ZNF618: variants seen among roughly 807,000 people sequenced by gnomAD.
ZNF618 encodes the protein neural precursor cell expressed, developmentally down-regulated 10.
Under a neutral mutation model 103.0 loss-of-function variants are expected in ZNF618, and 34 were observed. The observed-to-expected ratio is 0.33, with a 90% confidence interval of 0.25 to 0.44. ZNF618 has a LOEUF of 0.44. Ranked by LOEUF, ZNF618 falls within the 20% of genes least tolerant of loss-of-function variation. The pLI, the probability that ZNF618 is intolerant of heterozygous loss-of-function variation, is 1.00. For synonymous variants in ZNF618, 551 were observed against 542.2 expected (o/e 1.02, Z -0.23); for missense variants, 1,059 against 1,295.4 (o/e 0.82, Z 2.80).
intron 1 of ZNF618, 133 bp from the exon 2 acceptor site, chr9:113,968,984 G>C: frequency 2.0e-6 from 2 of 997,948 alleles, no homozygotes; most frequent in Non-Finnish European, 3.2e-6. Context: ...CTGGAGGAGC[G>C]GGACAGGGGC....
chr9:114,051,787 T>C lies in ZNF618; in HGVS notation c.*1620T>C, dbSNP rs1846153780. The C allele has an allele frequency of 6.6e-6, 1 of 152,236 alleles. No homozygotes were observed. Among genetic ancestry groups the C allele is most frequent in the Non-Finnish European group, 1.5e-5 (1 of 68,114 alleles). 9.4% of individuals were successfully genotyped at this position (152,236 alleles called of 1,614,324 possible). On this transcript the variant is annotated 3_prime_UTR_variant, in exon 15 of 15. Coordinates refer to ENST00000374126, the MANE Select transcript of ZNF618 (RefSeq NM_001318042.2). ...CCTGTTCCCCCAGCTGTGAGCAAAT[T>C]AGGTTCTACACACACAGTTCGGATG...
intron 13 of ZNF618, among the ~76,000 whole-genome samples, chr9:114,036,852 C>A (rs144301447): frequency 6.6e-6 from 1 of 152,224 alleles, no homozygotes; most frequent in Non-Finnish European, 1.5e-5. Context: ...AATGCAGTTG[C>A]GCCCAAACCT....
At chr9:114,025,510 AG>A in intron 10 of ZNF618, among the ~76,000 whole-genome samples, 1 of 152,238 alleles carries the variant, frequency 6.6e-6, no homozygotes, top group Non-Finnish European at 1.5e-5. Flanking sequence ...CTACAGGGGA[AG>A]TCAGCCAGTC....
At chr9:114,037,430 A>G (rs1844720339) in intron 13 of ZNF618, among the ~76,000 whole-genome samples, 1 of 152,148 alleles carries the variant, frequency 6.6e-6, no homozygotes, top group South Asian at 2.1e-4. Flanking sequence ...GCCTGAACCC[A>G]TGGGTGGAAG....
chr9:114,022,609 A>AT (rs1405818210), intron 10 of ZNF618, among the ~76,000 whole-genome samples: 1 of 150,920 alleles, frequency 6.6e-6, no homozygotes, highest in Non-Finnish European at 1.5e-5. Flanking sequence ...ACCAAAAAAA[A>AT]AAAAAAAAAA....
intron 3 of ZNF618, among the ~76,000 whole-genome samples, chr9:113,988,901 G>A (rs1413210197): frequency 6.6e-6 from 1 of 152,186 alleles, no homozygotes; most frequent in African/African-American, 2.4e-5. Context: ...CCCCTGGGGG[G>A]TCTCCCACAG....
chr9:113,914,182 T>C (rs995373122), intron 1 of ZNF618, among the ~76,000 whole-genome samples: 1 of 152,216 alleles, frequency 6.6e-6, no homozygotes, highest in African/African-American at 2.4e-5. Flanking sequence ...CCCCCGGTTC[T>C]TTCTGTGATG....
At chr9:113,982,242 G>A (rs1839044215) in intron 2 of ZNF618, among the ~76,000 whole-genome samples, 1 of 152,192 alleles carries the variant, frequency 6.6e-6, no homozygotes, top group African/African-American at 2.4e-5. Flanking sequence ...CACTACAATA[G>A]CAGTTTATAC....
chr9:113,957,766 A>G (rs1297246551), intron 1 of ZNF618, among the ~76,000 whole-genome samples: 1 of 149,920 alleles, frequency 6.7e-6, no homozygotes, highest in Non-Finnish European at 1.5e-5. Flanking sequence ...AACCCTTTGT[A>G]TTTATAATAG....
chr9:114,028,956 G>A lies in ZNF618; in HGVS notation c.1068G>A (p.Ala356=), dbSNP rs948742787. The A allele has an allele frequency of 3.9e-6, 6 of 1,550,416 alleles. No homozygotes were observed. The highest frequency in any genetic ancestry group is 3.5e-6 in the Non-Finnish European group (4 of 1,146,996). The change falls in exon 11 of 15, where the codon GCG becomes GCA. Residue 356 remains alanine, a synonymous_variant. Transcript: ENST00000374126. ...TFRTPNSGSP[A]SKATAAESAF... ...GCACTCCAAATTCGGGATCTCCGGC[G>A]AGCAAGGCAACCGCAGGTACCAATG...
At chr9:114,002,529 TC>T (rs1255519507) in intron 5 of ZNF618, 94 bp from the exon 6 acceptor site, 6 of 1,403,342 alleles carry the variant, frequency 4.3e-6, no homozygotes, top group Non-Finnish European at 4.9e-6. Flanking sequence ...TGTGAGCTCT[TC>T]CCCTGTGGCT....
chr9:113,903,495 A>C (rs1830725983), intron 1 of ZNF618, among the ~76,000 whole-genome samples: 1 of 150,670 alleles, frequency 6.6e-6, no homozygotes. Flanking sequence ...TTTAATCAAC[A>C]CTCAGTATTT....
chr9:113,960,463 A>G (rs911838099), intron 1 of ZNF618, among the ~76,000 whole-genome samples: 1 of 152,234 alleles, frequency 6.6e-6, no homozygotes, highest in Admixed American at 6.5e-5. Context: ...TCCAATCTGC[A>G]TGGCTGCCTA....
rs1838844546 is a variant in ZNF618, at chr9:113,980,127, G to C, written c.78-8194G>C. ...AGAGGAAGAGTCAAAGATAGTTCTA[G>C]AGTCTGGGCAGCAGGAGCTGGAAGG... On this transcript the variant is annotated intron_variant, in intron 2 of 14. Transcript: ENST00000374126. 2.0e-5 allele frequency among the ~76,000 whole-genome samples: 3 copies of C among 152,180 alleles called. 1 individual carries two copies. The highest frequency in any genetic ancestry group is 4.1e-4 in the South Asian group (2 of 4,830).
chr9:113,906,761 C>A (rs897650094), intron 1 of ZNF618, among the ~76,000 whole-genome samples: 3 of 152,174 alleles, frequency 2.0e-5, no homozygotes, highest in Non-Finnish European at 4.4e-5. Context: ...AGTCAGGACG[C>A]CTTAGGTTTT....
chr9:113,925,681 G>T (rs1391065282), intron 1 of ZNF618, among the ~76,000 whole-genome samples: 2 of 151,356 alleles, frequency 1.3e-5, no homozygotes, highest in African/African-American at 2.4e-5. Context: ...TTTAAAAATA[G>T]TGATTTTCCT....
chr9:113,876,524 C>A, intron 1 of ZNF618, 111 bp downstream of exon 1: 1 of 862,576 alleles, frequency 1.2e-6, no homozygotes, highest in Non-Finnish European at 1.4e-6. Context: ...TGCCTGGGCA[C>A]GTTTGCGGGC....
chr9:113,987,177 A>G (rs997143671), intron 2 of ZNF618, among the ~76,000 whole-genome samples: 1 of 152,136 alleles, frequency 6.6e-6, no homozygotes, highest in Non-Finnish European at 1.5e-5. Context: ...TCCCCACCTC[A>G]CAGACAACAG....
At chr9:114,011,589 A>T (rs11793049) in intron 9 of ZNF618, among the ~76,000 whole-genome samples, 38,543 of 152,200 alleles carry the variant, frequency 0.25, 5,479 homozygotes, top group Middle Eastern at 0.41. Context: ...CCTGCTACGT[A>T]TAAGCAGGCC....
Sources: allele counts gnomAD v4.1 joint callset (sites outside exome capture counted in the v4.1 genomes callset), GRCh38; gene constraint gnomAD v4.1.1; transcripts MANE v1.5; gene names NCBI Gene and HGNC (gene_info 2026-07-23, HGNC 2026-07-21).